The following ST8SIA4 variants were observed in gnomAD, a reference collection of about 807,000 sequenced individuals.
The protein encoded by ST8SIA4 is ST8 alpha-N-acetyl-neuraminide alpha-2,8-sialyltransferase 4.
In ST8SIA4, 15 loss-of-function variants were observed where a neutral mutation model predicts 33.9. That is an observed-to-expected ratio of 0.44 (90% CI 0.30 to 0.68). The LOEUF (loss-of-function observed/expected upper bound fraction) is 0.68. Ranked by LOEUF, ST8SIA4 falls within the 30% of genes least tolerant of loss-of-function variation. ST8SIA4 has a pLI of 0.10. For missense variants in ST8SIA4, 321 were observed against 428.0 expected (o/e 0.75, Z 2.21); for synonymous variants, 171 against 151.2 (o/e 1.13, Z -0.96).
rs549602317 is a variant in ST8SIA4, at chr5:100,880,553, A to G, written c.503+5790T>C. Among the ~76,000 whole-genome samples the G allele has an allele frequency of 2.1e-4, 32 of 152,308 alleles. No homozygotes were observed. The South Asian group carries it at 6.4e-3, about 31-fold the overall frequency. ...TACCTCATTTATTGTTACTGGCAAG[A>G]TATTAGTATTTTATAGAGTGTGGTA... is the stretch of plus-strand genomic sequence containing the variant. On this transcript the variant is annotated intron_variant, in intron 3 of 4. Coordinates refer to ENST00000231461, the MANE Select transcript of ST8SIA4 (RefSeq NM_005668.6).
intron 3 of ST8SIA4, among the ~76,000 whole-genome samples, chr5:100,868,153 C>G (rs922198104): frequency 1.3e-5 from 2 of 151,970 alleles, no homozygotes; most frequent in African/African-American, 4.8e-5. Flanking sequence ...TTTCTTTGAA[C>G]TAGTATTGTA....
chr5:100,875,972 T>C (rs559944473), intron 3 of ST8SIA4, among the ~76,000 whole-genome samples: 93 of 152,228 alleles, frequency 6.1e-4, no homozygotes, highest in African/African-American at 2.1e-3. Context: ...ATATTATACC[T>C]TCTTCTGCAC....
intron 2 of ST8SIA4, among the ~76,000 whole-genome samples, chr5:100,894,259 A>G (rs1752734303): frequency 6.6e-6 from 1 of 152,040 alleles, no homozygotes; most frequent in Non-Finnish European, 1.5e-5. Flanking sequence ...AGTTTATGGA[A>G]ATCTGTACTT....
At position 100,895,644 on chromosome 5, in the gene ST8SIA4, A is replaced by G; in HGVS notation, c.245+10T>C. ...TGTGAAATTTATTATGCCTTAGTAA[A>G]GAAACTCACCTTATCTCTAGGACCA... On this transcript the variant is annotated intron_variant, in intron 2 of 4. Coordinates refer to ENST00000231461, the MANE Select transcript of ST8SIA4 (RefSeq NM_005668.6). 1 of 1,603,790 alleles carries G rather than the reference A, an allele frequency of 6.2e-7. No homozygotes were observed. Among genetic ancestry groups the G allele is most frequent in the East Asian group, 2.2e-5 (1 of 44,710 alleles).
At chr5:100,868,414 T>A (rs1360114887) in intron 3 of ST8SIA4, among the ~76,000 whole-genome samples, 4 of 152,058 alleles carry the variant, frequency 2.6e-5, no homozygotes, top group South Asian at 2.1e-4. Flanking sequence ...CTATTACTAA[T>A]CATCTTTGTG....
At chr5:100,900,244 C>A (rs933833809) in intron 1 of ST8SIA4, 1 of 354,864 alleles carries the variant, frequency 2.8e-6, no homozygotes, top group African/African-American at 2.1e-5. Context: ...TATGGAAGGC[C>A]CTTCTTTGAA....
chr5:100,852,566 C>T (rs1402066150), intron 4 of ST8SIA4, among the ~76,000 whole-genome samples: 1 of 152,096 alleles, frequency 6.6e-6, no homozygotes, highest in Non-Finnish European at 1.5e-5. Context: ...TTCTCTTAAA[C>T]TTGCAATTTA....
intron 4 of ST8SIA4, among the ~76,000 whole-genome samples, chr5:100,851,069 T>G (rs2561527): frequency 6.6e-6 from 1 of 150,576 alleles, no homozygotes; most frequent in East Asian, 2.0e-4. Context: ...AAGCGATTCT[T>G]CTGCCTCAGC....
intron 4 of ST8SIA4, among the ~76,000 whole-genome samples, chr5:100,832,127 T>C (rs1751276499): frequency 6.6e-6 from 1 of 152,180 alleles, no homozygotes; most frequent in Non-Finnish European, 1.5e-5. Context: ...ATGGATTAAG[T>C]GTGTTCTGCT....
At chr5:100,824,159 T>A (rs183062988) in intron 4 of ST8SIA4, among the ~76,000 whole-genome samples, 16 of 152,316 alleles carry the variant, frequency 1.1e-4, no homozygotes, top group African/African-American at 3.6e-4. Flanking sequence ...CGAAGAAATG[T>A]ACAGTATTAT....
chr5:100,872,203 T>C lies in ST8SIA4; in HGVS notation c.503+14140A>G, dbSNP rs562977147. Among the ~76,000 whole-genome samples, 20 of 152,210 alleles carry C rather than the reference T, an allele frequency of 1.3e-4. No individual in the cohort carries two copies. The South Asian group carries it at 3.3e-3, about 25-fold the overall frequency. The stretch of plus-strand genomic sequence containing the variant: ...TTTAAAAAATCTTATTCACTCTTTA[T>C]TATTTTGTGTTTATAATTGACACAT... On this transcript the variant is annotated intron_variant, in intron 3 of 4. Transcript: ENST00000231461.
At chr5:100,827,556 G>A (rs574041198) in intron 4 of ST8SIA4, among the ~76,000 whole-genome samples, 1 of 152,300 alleles carries the variant, frequency 6.6e-6, no homozygotes, top group African/African-American at 2.4e-5. Context: ...GAAACAGTTT[G>A]AATGCTTTTC....
At chr5:100,848,645 T>C (rs1054846006) in intron 4 of ST8SIA4, among the ~76,000 whole-genome samples, 1 of 150,308 alleles carries the variant, frequency 6.7e-6, no homozygotes, top group Non-Finnish European at 1.5e-5. Context: ...AGTGTGTGTG[T>C]ATATATAACA....
intron 4 of ST8SIA4, among the ~76,000 whole-genome samples, chr5:100,812,900 T>C (rs1415156958): frequency 2.6e-5 from 4 of 152,174 alleles, no homozygotes; most frequent in South Asian, 2.1e-4. Flanking sequence ...CCAATATTTC[T>C]TGGCATATTC....
At chr5:100,895,513 A>G in intron 2 of ST8SIA4, 141 bp downstream of exon 2, 1 of 752,206 alleles carries the variant, frequency 1.3e-6, no homozygotes, top group Non-Finnish European at 2.1e-6. Context: ...TTCAGTGAGC[A>G]ACATTAAATA....
chr5:100,889,706 A>G (rs1229962255), intron 2 of ST8SIA4, among the ~76,000 whole-genome samples: 1 of 151,974 alleles, frequency 6.6e-6, no homozygotes, highest in Non-Finnish European at 1.5e-5. Context: ...GGGAACTATA[A>G]GAGTTAAGCA....
chr5:100,885,684 TA>T (rs1752521656), intron 3 of ST8SIA4: 2 of 941,144 alleles, frequency 2.1e-6, no homozygotes, highest in South Asian at 9.8e-5. Context: ...GATGTGATTA[TA>T]ATTCCATTTC....
At chr5:100,850,801 C>G (rs374249853) in intron 4 of ST8SIA4, among the ~76,000 whole-genome samples, 1 of 149,832 alleles carries the variant, frequency 6.7e-6, no homozygotes, top group African/African-American at 2.5e-5. Context: ...ATATATATAA[C>G]ATGTGTGTGT....
intron 3 of ST8SIA4, among the ~76,000 whole-genome samples, chr5:100,858,294 T>C (rs1284776311): frequency 6.6e-6 from 1 of 152,074 alleles, no homozygotes; most frequent in Non-Finnish European, 1.5e-5. Flanking sequence ...ACAGTTAACA[T>C]GTTCCTGTTG....
Sources: allele counts gnomAD v4.1 joint callset (sites outside exome capture counted in the v4.1 genomes callset), GRCh38; gene constraint gnomAD v4.1.1; transcripts MANE v1.5; gene names NCBI Gene and HGNC (gene_info 2026-07-23, HGNC 2026-07-21).